The following TNFAIP8 variants were observed in gnomAD, a reference collection of about 807,000 sequenced individuals.
The protein encoded by TNFAIP8 is tumor necrosis factor alpha-induced protein 8.
A neutral mutation model predicts 13.3 loss-of-function variants in TNFAIP8; 7 were observed. The observed-to-expected ratio is 0.52, with a 90% confidence interval of 0.30 to 0.99. The LOEUF (loss-of-function observed/expected upper bound fraction) is 0.99. Among genes scored for constraint, TNFAIP8 ranks in the 50% least tolerant of loss-of-function variants. The pLI is 0.07. For synonymous variants in TNFAIP8, 94 were observed against 87.6 expected (o/e 1.07, Z -0.41); for missense variants, 258 against 236.9 (o/e 1.09, Z -0.58).
Position 119,393,244 on chromosome 5 carries a change from C to G in TNFAIP8, c.460C>G (p.Arg154Gly). 1 of 1,613,980 alleles carries G rather than the reference C, an allele frequency of 6.2e-7. No homozygotes were observed. The highest frequency in any genetic ancestry group is 8.5e-7 in the Non-Finnish European group (1 of 1,179,870). Reference protein sequence around the residue: ...QRHLTAKSHGRVNNVFDHFSD... With the variant: ...QRHLTAKSHGGVNNVFDHFSD... ...CCACCTCACTGCCAAGTCACATGGA[C>G]GGGTTAATAATGTGTTTGATCATTT... Residue 154 changes from arginine (R) to glycine (G), a missense_variant, in exon 2 of 2, where the codon CGG (arginine) becomes GGG (glycine). Transcript: ENST00000504771.
Position 119,398,650 on chromosome 5 carries a change from A to C in TNFAIP8, c.*5269A>C, listed in dbSNP as rs993761627. ...AGCCAAGATTACACCACTGCACTCCAGCCTGGGCAACAAGAGTGAGACTTT... is the reference window on the plus strand; with the variant it reads ...AGCCAAGATTACACCACTGCACTCCCGCCTGGGCAACAAGAGTGAGACTTT... On this transcript the variant is annotated 3_prime_UTR_variant, in exon 2 of 2. Transcript: ENST00000504771. The C allele has an allele frequency of 1.2e-4, 19 of 152,234 alleles. No homozygotes were observed. Among genetic ancestry groups the C allele is most frequent in the African/African-American group, 4.3e-4 (18 of 41,560 alleles). The allele number at this position is 152,234 out of a possible 1,614,324, so 9.4% of individuals were successfully genotyped here.
chr5:119,373,805 T>G (rs1034520323), intron 1 of TNFAIP8, among the ~76,000 whole-genome samples: 3 of 152,228 alleles, frequency 2.0e-5, no homozygotes, highest in Non-Finnish European at 2.9e-5. Context: ...TTCAGTGTCC[T>G]TGGAGTCCTT....
intron 1 of TNFAIP8, among the ~76,000 whole-genome samples, chr5:119,316,786 C>G (rs540757957): frequency 1.1e-3 from 163 of 152,178 alleles, no homozygotes; most frequent in Non-Finnish European, 1.8e-3. Flanking sequence ...GAACATGGCT[C>G]TCAACTGGGG....
chr5:119,280,671 G>A (rs986642497), intron 1 of TNFAIP8, among the ~76,000 whole-genome samples: 14 of 152,078 alleles, frequency 9.2e-5, no homozygotes, highest in African/African-American at 3.1e-4. Flanking sequence ...TCAGTGTCTC[G>A]ATCTGTTAAT....
rs953151514 is a variant in TNFAIP8 at position 119,396,584 on chromosome 5, A to C, written c.*3203A>C. 84 of 152,330 alleles carry C rather than the reference A, an allele frequency of 5.5e-4. No individual in the cohort carries two copies. The highest frequency in any genetic ancestry group is 2.0e-3 in the African/African-American group (82 of 41,566). The allele number at this position is 152,330 out of a possible 1,614,324, so 9.4% of individuals were successfully genotyped here. ...CTAGAGTAGGCACGGCATCAGTTTC[A>C]AACTTCAACATTATTTTCCAGATTT... is the stretch of plus-strand genomic sequence containing the variant. On this transcript the variant is annotated 3_prime_UTR_variant, in exon 2 of 2. Transcript: ENST00000504771.
chr5:119,341,845 A>C (rs1286073705), intron 1 of TNFAIP8, among the ~76,000 whole-genome samples: 1 of 152,188 alleles, frequency 6.6e-6, no homozygotes, highest in Non-Finnish European at 1.5e-5. Flanking sequence ...AATCATTTGA[A>C]ACTCTCACTT....
chr5:119,328,625 T>C (rs997642115), intron 1 of TNFAIP8, among the ~76,000 whole-genome samples: 1 of 152,036 alleles, frequency 6.6e-6, no homozygotes, highest in African/African-American at 2.4e-5. Context: ...GACAAGGTTG[T>C]GAAGGGAGCC....
At chr5:119,366,514 A>G (rs1751863011) in intron 1 of TNFAIP8, among the ~76,000 whole-genome samples, 1 of 152,206 alleles carries the variant, frequency 6.6e-6, no homozygotes, top group South Asian at 2.1e-4. Flanking sequence ...TTACTGGGTT[A>G]TAAAAATGAT....
At chr5:119,280,284 A>T (rs1239325429) in intron 1 of TNFAIP8, among the ~76,000 whole-genome samples, 1 of 151,664 alleles carries the variant, frequency 6.6e-6, no homozygotes, top group Admixed American at 6.6e-5. Context: ...TTATGGTTTT[A>T]TTACCCAAAT....
At chr5:119,351,667 G>A (rs1247903589), upstream of TNFAIP8, among the ~76,000 whole-genome samples, 1 of 152,114 alleles carries the variant, frequency 6.6e-6, no homozygotes, top group East Asian at 1.9e-4. Context: ...GCTACTTGAG[G>A]CACAGAGCTT....
chr5:119,277,148 C>A lies in TNFAIP8; in HGVS notation c.1+8241C>A, dbSNP rs145841185. ...TATACTGCACTCACCTGTTTTCAGA[C>A]TGCATGGTCTGTGGTCACACTGCAA... On this transcript the variant is annotated intron_variant, in intron 1 of 1. Transcript: ENST00000274456. Among the ~76,000 whole-genome samples the A allele has an allele frequency of 1.4e-3, 211 of 152,296 alleles. 6 individuals carry two copies. The East Asian group carries it at 0.029, about 21-fold the overall frequency.
At position 119,392,968 on chromosome 5, in the gene TNFAIP8, A is replaced by C; in HGVS notation, c.184A>C (p.Thr62Pro). 2 of 1,612,112 alleles carry C rather than the reference A, an allele frequency of 1.2e-6. No individual in the cohort carries two copies. The highest frequency in any genetic ancestry group is 2.2e-5 in the South Asian group (2 of 90,674). Residue 62 changes from threonine to proline, a missense_variant, in exon 2 of 2, where the codon ACC becomes CCC. Transcript: ENST00000504771. Reference protein sequence around the residue: ...DELYRVTREYTQNKKEAEKII... With the variant: ...DELYRVTREYPQNKKEAEKII... The stretch of plus-strand genomic sequence containing the variant: ...GCTCTACAGAGTGACCAGGGAGTAC[A>C]CCCAAAACAAGAAGGAGGCAGAGAA...
chr5:119,294,853 C>T (rs1031632575), intron 1 of TNFAIP8, among the ~76,000 whole-genome samples: 2 of 151,908 alleles, frequency 1.3e-5, no homozygotes, highest in Non-Finnish European at 2.9e-5. Context: ...TGAGAAGTGT[C>T]TGTTCATGTC....
rs146219347 is a variant in TNFAIP8 at position 119,320,057 on chromosome 5, C to G, written c.1+51150C>G. ...GGGGTGGATGGAGTGTAGAAATTGC[C>G]TTTCAGTGGAGGTTGTCAAGACGAC... On this transcript the variant is annotated intron_variant, in intron 1 of 1. Coordinates refer to the TNFAIP8 transcript ENST00000274456. Among the ~76,000 whole-genome samples the G allele has an allele frequency of 4.9e-3, 743 of 152,204 alleles. 4 individuals are homozygous for G. Among genetic ancestry groups the G allele is most frequent in the Non-Finnish European group, 6.8e-3 (465 of 67,980 alleles).
At chr5:119,360,615 A>G (rs911855574) in intron 1 of TNFAIP8, among the ~76,000 whole-genome samples, 1 of 152,218 alleles carries the variant, frequency 6.6e-6, no homozygotes, top group African/African-American at 2.4e-5. Flanking sequence ...GAGGTGAGGC[A>G]CTGAGGCCCA....
In TNFAIP8 at chr5:119,399,274, G is replaced by A. The variant is rs148686712; in HGVS notation, c.*5893G>A. On this transcript the variant is annotated 3_prime_UTR_variant, in exon 2 of 2. Coordinates refer to ENST00000504771, the MANE Select transcript of TNFAIP8 (RefSeq NM_014350.4). ...AGCAGGGTACAGAGGGCATTTGTGG[G>A]AGCAGTTAGGAAACCAGGACGTCCA... The A allele has an allele frequency of 2.0e-5, 3 of 152,302 alleles. No individual in the cohort carries two copies. Among genetic ancestry groups the A allele is most frequent in the African/African-American group, 7.2e-5 (3 of 41,546 alleles). 9.4% of individuals were successfully genotyped at this position (152,302 alleles called of 1,614,324 possible). A position where few individuals can be genotyped will look rare whatever the true frequency, so the allele number is the denominator to read the frequency against.
intron 1 of TNFAIP8, among the ~76,000 whole-genome samples, chr5:119,375,447 A>G (rs1752243815): frequency 6.6e-6 from 1 of 152,230 alleles, no homozygotes; most frequent in Non-Finnish European, 1.5e-5. Context: ...TTTTGCAACT[A>G]CTTATAACAT....
chr5:119,327,567 T>C (rs1282921591), intron 1 of TNFAIP8, among the ~76,000 whole-genome samples: 1 of 152,246 alleles, frequency 6.6e-6, no homozygotes, highest in South Asian at 2.1e-4. Flanking sequence ...CAAGCGATTC[T>C]CCTGCCTTAG....
intron 1 of TNFAIP8, chr5:119,391,325 T>C (rs1011055246): frequency 7.1e-6 from 5 of 699,736 alleles, no homozygotes; most frequent in South Asian, 1.5e-5. Flanking sequence ...TTTTAAACTT[T>C]TTATCTTTCA....
Sources: allele counts gnomAD v4.1 joint callset (sites outside exome capture counted in the v4.1 genomes callset), GRCh38; gene constraint gnomAD v4.1.1; transcripts MANE v1.5; gene names NCBI Gene and HGNC (gene_info 2026-07-23, HGNC 2026-07-21).